The following GRIK4 variants were observed in gnomAD, a reference collection of about 807,000 sequenced individuals.
GRIK4 encodes glutamate ionotropic receptor kainate type subunit 4.
In GRIK4, 40 loss-of-function variants were observed where a neutral mutation model predicts 104.9. That is an observed-to-expected ratio of 0.38 (90% confidence interval 0.30 to 0.50). The LOEUF (loss-of-function observed/expected upper bound fraction) is 0.50. GRIK4 is among the 20% of genes least tolerant of loss of function. The pLI, the probability that GRIK4 is intolerant of heterozygous loss-of-function variation, is 0.93. For synonymous variants in GRIK4, 485 were observed against 524.9 expected (o/e 0.92, Z 1.04); for missense variants, 1,047 against 1,308.1 (o/e 0.80, Z 3.08).
At chr11:120,563,913 C>T (rs1948273682) in intron 1 of GRIK4, among the ~76,000 whole-genome samples, 1 of 152,230 alleles carries the variant, frequency 6.6e-6, no homozygotes, top group Non-Finnish European at 1.5e-5. Flanking sequence ...TCTGGGCCCC[C>T]TCTCCAGTGA....
chr11:120,958,831 A>G (rs1246574137), intron 16 of GRIK4, among the ~76,000 whole-genome samples: 1 of 152,098 alleles, frequency 6.6e-6, no homozygotes, highest in Non-Finnish European at 1.5e-5. Flanking sequence ...ACACACCACC[A>G]CAGCTAAGCA....
chr11:120,568,235 C>T (rs1051603628), intron 1 of GRIK4, among the ~76,000 whole-genome samples: 1 of 152,170 alleles, frequency 6.6e-6, no homozygotes, highest in Non-Finnish European at 1.5e-5. Context: ...CTCACAACCT[C>T]TTAAGGGGAT....
chr11:120,787,852 C>CTTTTTTTTTTTTTTTTTTTTTTTT lies in GRIK4; in HGVS notation c.83-14835_83-14812dup, dbSNP rs58523604. ...TTTCTTCTCTTTTTTCTTTTCTTTT[C>CTTTTTTTTTTTTTTTTTTTTTTTT]TTTTTTTTTTTTTTTTTTTTTTTTT... On this transcript the variant is annotated intron_variant, in intron 3 of 20. Transcript: ENST00000527524. Among the ~76,000 whole-genome samples, 80 of 77,116 alleles carry CTTTTTTTTTTTTTTTTTTTTTTTT rather than the reference C, an allele frequency of 1.0e-3. 8 individuals are homozygous for CTTTTTTTTTTTTTTTTTTTTTTTT. The highest frequency in any genetic ancestry group is 1.2e-3 in the Non-Finnish European group (52 of 43,570). The allele number at this position is 77,116 out of a possible 152,430, so 50.6% of individuals were successfully genotyped here.
At chr11:120,668,126 GAT>G (rs1949949745) in intron 3 of GRIK4, among the ~76,000 whole-genome samples, 1 of 151,908 alleles carries the variant, frequency 6.6e-6, no homozygotes, top group African/African-American at 2.4e-5. Flanking sequence ...TAGATAGATA[GAT>G]AGATAGATAG....
At position 120,903,524 on chromosome 11, in the gene GRIK4, C is replaced by G. The variant is rs1942795953; in HGVS notation, c.1273-1766C>G. ...TAGCATGGTTCTTTCCTCCTCTTTT[C>G]TCCCCTTTTCCAGGGATTTTCCCTT... On this transcript the variant is annotated intron_variant, in intron 12 of 20. Transcript: ENST00000527524. The surrounding 1 kb of genome is among the most constrained non-coding windows in gnomAD (Gnocchi z 4.4). Among the ~76,000 whole-genome samples, 1 of 152,120 alleles carries G rather than the reference C, an allele frequency of 6.6e-6. No homozygotes were observed. The highest frequency in any genetic ancestry group is 6.5e-5 in the Admixed American group (1 of 15,270).
At chr11:120,615,711 A>G (rs111493605) in intron 1 of GRIK4, among the ~76,000 whole-genome samples, 1 of 152,292 alleles carries the variant, frequency 6.6e-6, no homozygotes, top group African/African-American at 2.4e-5. Flanking sequence ...CTTTGCCATC[A>G]GGCTTTGTGA....
intron 3 of GRIK4, among the ~76,000 whole-genome samples, chr11:120,782,378 C>T (rs543598710): frequency 4.6e-5 from 7 of 151,924 alleles, no homozygotes; most frequent in African/African-American, 9.7e-5. Context: ...CTCCGCCTCC[C>T]GGGTTCACGC....
At chr11:120,771,237 T>C (rs1405546176) in intron 3 of GRIK4, among the ~76,000 whole-genome samples, 1 of 152,076 alleles carries the variant, frequency 6.6e-6, no homozygotes, top group Non-Finnish European at 1.5e-5. Context: ...TGAATGTTGG[T>C]AGAAATATGG....
At chr11:120,884,700 C>T (rs1355677308) in intron 11 of GRIK4, among the ~76,000 whole-genome samples, 2 of 152,260 alleles carry the variant, frequency 1.3e-5, no homozygotes, top group Non-Finnish European at 2.9e-5. Flanking sequence ...AGAATCCCAG[C>T]ACCCCAAAGG....
At chr11:120,656,120 G>A (rs1354939284) in intron 2 of GRIK4, among the ~76,000 whole-genome samples, 1 of 152,234 alleles carries the variant, frequency 6.6e-6, no homozygotes, top group Non-Finnish European at 1.5e-5. Flanking sequence ...AATATTTTCT[G>A]TTAATAAAGG....
intron 18 of GRIK4, among the ~76,000 whole-genome samples, chr11:120,965,106 A>T (rs1944360917): frequency 6.6e-6 from 1 of 152,242 alleles, no homozygotes; most frequent in South Asian, 2.1e-4. Context: ...CTTAAGTGGA[A>T]TGTAAGAGCC....
chr11:120,692,601 A>G (rs1393824507), intron 3 of GRIK4, among the ~76,000 whole-genome samples: 1 of 152,200 alleles, frequency 6.6e-6, no homozygotes, highest in Non-Finnish European at 1.5e-5. Flanking sequence ...GGCCGGATGA[A>G]GGGGAAGGTT....
intron 11 of GRIK4, among the ~76,000 whole-genome samples, chr11:120,877,614 T>A (rs1241123604): frequency 6.6e-6 from 1 of 152,166 alleles, no homozygotes; most frequent in African/African-American, 2.4e-5. Flanking sequence ...TAGGTATAAG[T>A]TTTTTAAGAT....
At chr11:120,527,799 A>G (rs1947874239) in intron 1 of GRIK4, among the ~76,000 whole-genome samples, 1 of 152,154 alleles carries the variant, frequency 6.6e-6, no homozygotes, top group Non-Finnish European at 1.5e-5. Context: ...GGTGGGGAAA[A>G]AGAGGGCCTG....
At chr11:120,914,744 T>C (rs1356156481) in intron 13 of GRIK4, among the ~76,000 whole-genome samples, 2 of 152,062 alleles carry the variant, frequency 1.3e-5, no homozygotes, top group African/African-American at 4.8e-5. Context: ...GTGGGAGCTG[T>C]CTAAGAGCAG....
intron 1 of GRIK4, among the ~76,000 whole-genome samples, chr11:120,616,840 C>T (rs1380892562): frequency 6.6e-6 from 1 of 152,226 alleles, no homozygotes; most frequent in African/African-American, 2.4e-5. Flanking sequence ...TAATACACTA[C>T]AGTTACCTGT....
intron 3 of GRIK4, among the ~76,000 whole-genome samples, chr11:120,661,613 G>C (rs1027283291): frequency 6.6e-6 from 1 of 152,218 alleles, no homozygotes; most frequent in African/African-American, 2.4e-5. Context: ...TGATGGTCAG[G>C]AGGCCATGGT....
At chr11:120,702,572 G>C (rs1266639523) in intron 3 of GRIK4, among the ~76,000 whole-genome samples, 1 of 152,170 alleles carries the variant, frequency 6.6e-6, no homozygotes, top group Non-Finnish European at 1.5e-5. Context: ...GAACTGAAGA[G>C]GTCAGAGGGA....
chr11:120,821,971 A>G (rs1038742619), intron 6 of GRIK4, among the ~76,000 whole-genome samples: 1 of 152,210 alleles, frequency 6.6e-6, no homozygotes, highest in African/African-American at 2.4e-5. Flanking sequence ...ACACTTTGGA[A>G]GGCCAAGGTG....
Sources: gnomAD v4.1 joint callset for allele counts (sites outside exome capture counted in the v4.1 genomes callset) on GRCh38, gnomAD v4.1.1 for gene constraint, Gnocchi (gnomAD v3.1) non-coding constraint, MANE v1.5 for transcripts, NCBI Gene and HGNC (gene_info 2026-07-23, HGNC 2026-07-21) for gene names.